The following IQCM variants were observed in gnomAD, a reference collection of about 807,000 sequenced individuals.
IQCM encodes the protein IQ domain-containing protein M.
A neutral mutation model predicts 57.6 loss-of-function variants in IQCM; 45 were observed. The ratio of observed to expected loss-of-function variants is 0.78; its 90% confidence interval spans 0.62 to 1.00. IQCM has a LOEUF of 1.00. IQCM is among the 50% of genes least tolerant of loss of function. The probability of loss-of-function intolerance (pLI) is 0.00; values close to 1 mark genes in which losing one functional copy is unlikely to be tolerated. For synonymous variants in IQCM, 148 were observed against 158.9 expected (o/e 0.93, Z 0.51); for missense variants, 468 against 511.6 (o/e 0.91, Z 0.82).
intron 2 of IQCM, among the ~76,000 whole-genome samples, chr4:149,795,661 AC>A (rs1773047324): frequency 6.6e-6 from 1 of 152,150 alleles, no homozygotes; most frequent in African/African-American, 2.4e-5. Flanking sequence ...TCCAAAAGAG[AC>A]CCCTTCCTTC....
intron 8 of IQCM, among the ~76,000 whole-genome samples, chr4:149,604,083 C>T (rs1044632283): frequency 6.6e-6 from 1 of 152,076 alleles, no homozygotes; most frequent in African/African-American, 2.4e-5. Context: ...TAAAACTTAA[C>T]ACCTGATTTT....
At chr4:149,580,225 T>C (rs917807020) in intron 9 of IQCM, among the ~76,000 whole-genome samples, 5 of 151,798 alleles carry the variant, frequency 3.3e-5, no homozygotes, top group African/African-American at 1.2e-4. Context: ...AGGTGAATAA[T>C]TTTCCATAGA....
At chr4:149,778,140 G>T (rs1455140274) in intron 2 of IQCM, among the ~76,000 whole-genome samples, 3 of 152,228 alleles carry the variant, frequency 2.0e-5, no homozygotes, top group Non-Finnish European at 2.9e-5. Context: ...ACTTTGGGAG[G>T]CCAAGGCGGG....
chr4:149,752,536 A>G (rs1768550711), intron 2 of IQCM, among the ~76,000 whole-genome samples: 1 of 143,004 alleles, frequency 7.0e-6, no homozygotes, highest in South Asian at 2.3e-4. Flanking sequence ...TGGTAACAGA[A>G]TGAGACTCTG....
intron 12 of IQCM, among the ~76,000 whole-genome samples, chr4:149,544,212 T>C (rs947953039): frequency 1.2e-4 from 18 of 152,198 alleles, no homozygotes; most frequent in East Asian, 5.8e-4. Flanking sequence ...AGCATGAGTA[T>C]ATAAATAGAA....
At chr4:149,723,921 T>A (rs2149862429) in intron 5 of IQCM, among the ~76,000 whole-genome samples, 1 of 151,818 alleles carries the variant, frequency 6.6e-6, no homozygotes, top group Middle Eastern at 3.4e-3. Flanking sequence ...GCCTGTGCTT[T>A]TTTTTTTCCT....
intron 13 of IQCM, among the ~76,000 whole-genome samples, chr4:149,374,430 G>T (rs141376578): frequency 6.6e-6 from 1 of 151,844 alleles, no homozygotes; most frequent in Non-Finnish European, 1.5e-5. Context: ...TTACAGTTTT[G>T]TCTCTCCATG....
intron 7 of IQCM, among the ~76,000 whole-genome samples, chr4:149,628,264 A>C (rs1422376247): frequency 1.3e-5 from 2 of 152,196 alleles, no homozygotes; most frequent in Admixed American, 6.5e-5. Flanking sequence ...ACTATATTAT[A>C]ATAAGCCAAC....
chr4:149,481,701 G>GTTTTTTTTTTTTGTTTTTTTTTTTTT (rs751057249), intron 12 of IQCM, among the ~76,000 whole-genome samples: 6 of 51,548 alleles, frequency 1.2e-4, no homozygotes, highest in Admixed American at 2.5e-4. Context: ...TTCCAGTTTT[G>GTTTTTTTTTTTTGTTTTTTTTTTTTT]TTTTTTTTTT....
chr4:149,663,271 CT>C (rs145268863), intron 7 of IQCM, among the ~76,000 whole-genome samples: 1 of 150,504 alleles, frequency 6.6e-6, no homozygotes, highest in East Asian at 2.0e-4. Flanking sequence ...GTATCTGTTG[CT>C]TTTTTTTTAA....
chr4:149,509,187 G>T (rs1744147902), intron 12 of IQCM, among the ~76,000 whole-genome samples: 1 of 152,194 alleles, frequency 6.6e-6, no homozygotes, highest in African/African-American at 2.4e-5. Context: ...CAGAAGCCAA[G>T]ATCCAGCCTG....
At chr4:149,368,992 G>GTA (rs201946807) in intron 13 of IQCM, among the ~76,000 whole-genome samples, 21,708 of 32,172 alleles carry the variant, frequency 0.67, 8,450 homozygotes, top group Non-Finnish European at 0.69. Flanking sequence ...ATATACACGT[G>GTA]TATATATATA....
intron 7 of IQCM, among the ~76,000 whole-genome samples, chr4:149,625,583 ACT>A (rs778407935): frequency 8.5e-5 from 13 of 152,136 alleles, no homozygotes; most frequent in Non-Finnish European, 1.5e-4. Context: ...ACTAGGGGAA[ACT>A]CAGCAAGGCT....
intron 2 of IQCM, among the ~76,000 whole-genome samples, chr4:149,813,698 G>A (rs569291300): frequency 6.6e-6 from 1 of 152,182 alleles, no homozygotes; most frequent in South Asian, 2.1e-4. Flanking sequence ...AATCTTGTTT[G>A]AATCTAAGCA....
At chr4:149,628,728 A>T (rs1369604292) in intron 7 of IQCM, among the ~76,000 whole-genome samples, 1 of 152,196 alleles carries the variant, frequency 6.6e-6, no homozygotes, top group Admixed American at 6.5e-5. Flanking sequence ...AGAGACTTGC[A>T]TACAAGTATA....
intron 5 of IQCM, among the ~76,000 whole-genome samples, chr4:149,687,347 G>A (rs1762618314): frequency 1.3e-5 from 2 of 151,266 alleles, no homozygotes; most frequent in Admixed American, 1.3e-4. Flanking sequence ...CGGTGTCCTT[G>A]GGTTCTGCAT....
intron 12 of IQCM, among the ~76,000 whole-genome samples, chr4:149,503,403 C>T (rs1743467980): frequency 6.6e-6 from 1 of 152,142 alleles, no homozygotes; most frequent in Non-Finnish European, 1.5e-5. Flanking sequence ...GACAAAGACT[C>T]TCCTCATCAT....
intron 9 of IQCM, among the ~76,000 whole-genome samples, chr4:149,568,658 G>T (rs548599601): frequency 6.6e-6 from 1 of 152,150 alleles, no homozygotes; most frequent in Non-Finnish European, 1.5e-5. Flanking sequence ...AGGCATGGTG[G>T]CACATGCTAC....
At chr4:149,604,634 C>A (rs951084231) in intron 8 of IQCM, among the ~76,000 whole-genome samples, 3 of 152,160 alleles carry the variant, frequency 2.0e-5, no homozygotes, top group Non-Finnish European at 2.9e-5. Flanking sequence ...TATTCAACAT[C>A]CATGTCTGGT....
Sources: gnomAD v4.1 joint callset for allele counts (sites outside exome capture counted in the v4.1 genomes callset) on GRCh38, gnomAD v4.1.1 for gene constraint, MANE v1.5 for transcripts, NCBI Gene and HGNC (gene_info 2026-07-23, HGNC 2026-07-21) for gene names.